Variants in CSMD1 observed in about 807,000 individuals in gnomAD.
CSMD1 encodes the protein CUB and sushi domain-containing protein 1.
In CSMD1, 213 loss-of-function variants were observed where a neutral mutation model predicts 417.5. The ratio of observed to expected loss-of-function variants is 0.51; its 90% CI spans 0.46 to 0.57. The LOEUF is 0.57. CSMD1 is among the 20% of genes least tolerant of loss of function. The pLI, the probability that CSMD1 is intolerant of heterozygous loss-of-function variation, is 0.00. For missense variants in CSMD1, 6,923 were observed against 4,529.7 expected, an observed-to-expected ratio of 1.53 and a Z score of -15.17; for synonymous variants, 2,862 against 1,736.8, an observed-to-expected ratio of 1.65 and a Z score of -16.11.
intron 7 of CSMD1, among the ~76,000 whole-genome samples, chr8:3,695,087 C>CGT (rs1276176981): frequency 0.2 from 28,765 of 145,446 alleles, 2,850 homozygotes; most frequent in East Asian, 0.23. Context: ...GGAGGCCCTG[C>CGT]GTGTGTGTGT....
intron 3 of CSMD1, among the ~76,000 whole-genome samples, chr8:4,329,611 T>C (rs1453533180): frequency 6.6e-6 from 1 of 152,046 alleles, no homozygotes; most frequent in Non-Finnish European, 1.5e-5. Flanking sequence ...TTTTCTTTAT[T>C]TACTACTTAC....
intron 3 of CSMD1, among the ~76,000 whole-genome samples, chr8:4,084,950 C>G (rs1174059910): frequency 6.6e-6 from 1 of 152,082 alleles, no homozygotes; most frequent in Non-Finnish European, 1.5e-5. Flanking sequence ...TGGGAAAGCA[C>G]CTGCAGAAAG....
chr8:3,046,807 C>T (rs1055462493), intron 50 of CSMD1, among the ~76,000 whole-genome samples: 2 of 152,180 alleles, frequency 1.3e-5, no homozygotes, highest in Non-Finnish European at 2.9e-5. Context: ...TTCTTTGATA[C>T]CTCAAGTTAT....
intron 10 of CSMD1, among the ~76,000 whole-genome samples, chr8:3,545,401 G>C (rs879816047): frequency 6.6e-6 from 1 of 152,182 alleles, no homozygotes; most frequent in Non-Finnish European, 1.5e-5. Flanking sequence ...AACAGCCATT[G>C]TGATGTCTGA....
At chr8:3,947,726 G>A (rs1467237150) in intron 5 of CSMD1, among the ~76,000 whole-genome samples, 5 of 151,840 alleles carry the variant, frequency 3.3e-5, no homozygotes, top group African/African-American at 9.7e-5. Context: ...TTTTTTTAAC[G>A]GCACAGAATA....
chr8:4,355,031 G>C (rs1223009952), intron 3 of CSMD1, among the ~76,000 whole-genome samples: 2 of 152,062 alleles, frequency 1.3e-5, no homozygotes, highest in African/African-American at 2.4e-5. Flanking sequence ...GGGAGGCCGA[G>C]GCGGGCGGAT....
chr8:4,439,460 CTTA>C (rs1798336449), intron 2 of CSMD1, among the ~76,000 whole-genome samples: 2 of 151,984 alleles, frequency 1.3e-5, no homozygotes, highest in Non-Finnish European at 2.9e-5. Flanking sequence ...TCCTAACATT[CTTA>C]TGTTTTCCTA....
intron 3 of CSMD1, among the ~76,000 whole-genome samples, chr8:4,268,088 A>G (rs1804334022): frequency 6.6e-6 from 1 of 152,158 alleles, no homozygotes; most frequent in Non-Finnish European, 1.5e-5. Flanking sequence ...AAATTGAAAC[A>G]TTGTTACAAA....
At chr8:3,417,305 T>C (rs1001093302) in intron 12 of CSMD1, among the ~76,000 whole-genome samples, 1 of 152,216 alleles carries the variant, frequency 6.6e-6, no homozygotes, top group African/African-American at 2.4e-5. Flanking sequence ...CTGCTGTAGC[T>C]GTTCAGGAAA....
chr8:3,886,139 C>G (rs1165620887), intron 5 of CSMD1, among the ~76,000 whole-genome samples: 1 of 152,054 alleles, frequency 6.6e-6, no homozygotes, highest in Admixed American at 6.6e-5. Flanking sequence ...CAACCTCTGT[C>G]TCTCTGTTTC....
intron 3 of CSMD1, among the ~76,000 whole-genome samples, chr8:4,277,757 G>C (rs373499880): frequency 7.2e-5 from 11 of 151,986 alleles, no homozygotes; most frequent in Admixed American, 2.0e-4. Flanking sequence ...TTTTATTTTT[G>C]TTTTTTCTGA....
intron 3 of CSMD1, among the ~76,000 whole-genome samples, chr8:4,268,403 T>C (rs1460319474): frequency 6.6e-6 from 1 of 152,188 alleles, no homozygotes; most frequent in African/African-American, 2.4e-5. Flanking sequence ...AGGAAGTAAT[T>C]ATTGTAGCAG....
At chr8:4,579,876 G>C (rs1799330434) in intron 2 of CSMD1, among the ~76,000 whole-genome samples, 1 of 152,086 alleles carries the variant, frequency 6.6e-6, no homozygotes, top group Non-Finnish European at 1.5e-5. Context: ...ACTTTACCTA[G>C]TTTTCCTAAG....
chr8:4,100,144 TG>T (rs1458837279), intron 3 of CSMD1, among the ~76,000 whole-genome samples: 1 of 152,174 alleles, frequency 6.6e-6, no homozygotes, highest in African/African-American at 2.4e-5. Context: ...CCCAATACCT[TG>T]GTTTTTATGT....
At chr8:3,402,017 TAC>T (rs565392699) in intron 15 of CSMD1, among the ~76,000 whole-genome samples, 2 of 151,702 alleles carry the variant, frequency 1.3e-5, no homozygotes, top group Admixed American at 6.6e-5. Context: ...ATTTCTAAAA[TAC>T]ACACACACAC....
chr8:4,791,872 G>C (rs899443035), intron 1 of CSMD1, among the ~76,000 whole-genome samples: 6 of 151,692 alleles, frequency 4.0e-5, no homozygotes, highest in Non-Finnish European at 7.4e-5. Flanking sequence ...AATTTTTTTA[G>C]CTTGCATTCA....
chr8:4,823,371 G>A (rs1328304050), intron 1 of CSMD1, among the ~76,000 whole-genome samples: 1 of 151,882 alleles, frequency 6.6e-6, no homozygotes. Flanking sequence ...CTACAAGTAT[G>A]ACTTTGAAAA....
intron 7 of CSMD1, among the ~76,000 whole-genome samples, chr8:3,624,843 G>C (rs1796417742): frequency 6.6e-6 from 1 of 152,168 alleles, no homozygotes; most frequent in African/African-American, 2.4e-5. Context: ...GAATTGAAAA[G>C]TAATAGCTCT....
chr8:4,336,920 C>G (rs1232145153), intron 3 of CSMD1, among the ~76,000 whole-genome samples: 2 of 152,006 alleles, frequency 1.3e-5, no homozygotes, highest in Admixed American at 6.6e-5. Flanking sequence ...TAAATAATAA[C>G]AATACAGAAA....
Sources: allele counts gnomAD v4.1 joint callset (sites outside exome capture counted in the v4.1 genomes callset), GRCh38; gene constraint gnomAD v4.1.1; transcripts MANE v1.5; gene names NCBI Gene and HGNC (gene_info 2026-07-23, HGNC 2026-07-21).